Variants in SETD7 observed in about 807,000 individuals in gnomAD.
The protein encoded by SETD7 is histone-lysine N-methyltransferase SETD7.
SETD7 carries 16 observed loss-of-function variants against 41.8 expected under a neutral mutation model. The observed-to-expected ratio is 0.38, with a 90% CI of 0.26 to 0.58. SETD7 has a LOEUF of 0.58. SETD7 is among the 20% of genes least tolerant of loss of function. SETD7 has a pLI of 0.64. For missense variants in SETD7, 346 were observed against 459.7 expected, an observed-to-expected ratio of 0.75 and a Z score of 2.26; for synonymous variants, 163 against 169.7, an observed-to-expected ratio of 0.96 and a Z score of 0.31.
At chr4:139,533,485 G>A (rs945575547) in intron 2 of SETD7, 119 bp from the exon 3 acceptor site, 45 of 803,298 alleles carry the variant, frequency 5.6e-5, no homozygotes, top group Non-Finnish European at 8.2e-5. Context: ...TGGATTCAGC[G>A]CAGCCTCCTA....
downstream of SETD7, among the ~76,000 whole-genome samples, chr4:139,502,869 T>C (rs1400473336): frequency 2.6e-5 from 4 of 151,986 alleles, no homozygotes; most frequent in Non-Finnish European, 5.9e-5. Flanking sequence ...GGATAGAAAT[T>C]GGCTGAGAAT....
intron 1 of SETD7, 81 bp from the exon 2 acceptor site, chr4:139,547,130 A>C: frequency 6.5e-7 from 1 of 1,547,158 alleles, no homozygotes; most frequent in Non-Finnish European, 8.8e-7. Flanking sequence ...AGATGCTGCC[A>C]GACAAGTCCC....
rs754667438 is a variant in SETD7, at chr4:139,547,032, C to T, written c.58G>A (p.Gly20Arg). 18 of 1,613,856 alleles carry T rather than the reference C, an allele frequency of 1.1e-5. No individual in the cohort carries two copies. The highest frequency in any genetic ancestry group is 1.5e-5 in the Non-Finnish European group (18 of 1,179,982). The change falls in exon 2 of 8, where the codon GGA (glycine) becomes AGA (arginine). Residue 20 changes from glycine to arginine, a missense_variant. Around this residue, in one of 3 missense-constraint regions of SETD7, gnomAD observed 266 missense variants for 377.0 expected, o/e 0.71. Coordinates refer to ENST00000274031, the MANE Select transcript of SETD7 (RefSeq NM_030648.4). ...EAVEGHLDDD[G>R]LPHGFCTVTY... ...ACTGTGCAGAACCCGTGCGGTAATC[C>T]GTCATCGTCCAGGTGCCCTGGAGAA...
intron 2 of SETD7, among the ~76,000 whole-genome samples, chr4:139,536,571 G>T (rs1727642450): frequency 6.6e-6 from 1 of 151,028 alleles, no homozygotes; most frequent in South Asian, 2.1e-4. Flanking sequence ...AATTAGCCAG[G>T]GGTGGTAGCA....
chr4:139,543,172 A>G (rs1053045994), intron 2 of SETD7, among the ~76,000 whole-genome samples: 8 of 152,250 alleles, frequency 5.3e-5, no homozygotes, highest in African/African-American at 1.9e-4. Context: ...CCAAAGGTTG[A>G]TGACTGACAA....
In SETD7 at chr4:139,555,108, T is replaced by C. The variant is rs1435992710; in HGVS notation, c.40+990A>G. Among the ~76,000 whole-genome samples the C allele has an allele frequency of 1.3e-5, 2 of 150,922 alleles. No individual in the cohort carries two copies. The highest frequency in any genetic ancestry group is 4.9e-5 in the African/African-American group (2 of 40,862). ...AAAGAGTATTTTCCAGTATTCGCTG[T>C]TACAAAATCATAACATCCTATGATA... On this transcript the variant is annotated intron_variant, in intron 1 of 7. Transcript: ENST00000274031. The surrounding 1 kb of genome is among the most constrained non-coding windows in gnomAD (Gnocchi z 4.0).
rs1266387628 is a variant in SETD7 at position 139,533,211 on chromosome 4, T to C, written c.326A>G (p.Gln109Arg). Residue 109 changes from glutamine to arginine, a missense_variant, in exon 3 of 8, where the codon CAG becomes CGG. Coordinates refer to ENST00000274031, the MANE Select transcript of SETD7 (RefSeq NM_030648.4). ...DTDGRLIFKGQYKDNIRHGVC... is the reference protein window; with the variant it reads ...DTDGRLIFKGRYKDNIRHGVC... ...TCCATGACGAATGTTATCTTTATAC[T>C]GCCCCTTGAAGATCAGTCTCCCATC... The C allele has an allele frequency of 6.2e-7, 1 of 1,614,106 alleles. No individual in the cohort carries two copies. Among genetic ancestry groups the C allele is most frequent in the African/African-American group, 1.3e-5 (1 of 74,928 alleles).
chr4:139,546,850 C>T (rs766594229), intron 2 of SETD7, 70 bp downstream of exon 2: 6 of 1,594,396 alleles, frequency 3.8e-6, no homozygotes, highest in Admixed American at 1.7e-5. Flanking sequence ...TGAATTCTTT[C>T]GTTTGTATTA....
chr4:139,535,372 G>A (rs1727609809), intron 2 of SETD7, among the ~76,000 whole-genome samples: 1 of 152,180 alleles, frequency 6.6e-6, no homozygotes, highest in Non-Finnish European at 1.5e-5. Context: ...TTAACTGGGT[G>A]TCCTGGATTT....
intron 2 of SETD7, chr4:139,546,350 AT>A: frequency 4.8e-6 from 1 of 209,700 alleles, no homozygotes. Context: ...TTTGCCAAGC[AT>A]TTTTTCATCA....
rs555564736 is a variant in SETD7, at chr4:139,506,916, G to A, written c.*4747C>T. The A allele has an allele frequency of 2.4e-4, 37 of 152,768 alleles. No individual in the cohort carries two copies. Among genetic ancestry groups the A allele is most frequent in the African/African-American group, 8.9e-4 (37 of 41,566 alleles). The allele number at this position is 152,768 out of a possible 1,614,324, so 9.5% of individuals were successfully genotyped here. ...GTCTCTCTCTCTGGTTGGAAGTTTG[G>A]TGCTTGGGTGCATAGTCTTCCAGAG... On this transcript the variant is annotated 3_prime_UTR_variant, in exon 8 of 8. Coordinates refer to ENST00000274031, the MANE Select transcript of SETD7 (RefSeq NM_030648.4).
intron 4 of SETD7, among the ~76,000 whole-genome samples, chr4:139,523,995 A>G (rs1472820069): frequency 6.6e-6 from 1 of 152,212 alleles, no homozygotes. Flanking sequence ...AAGGCACACA[A>G]CCACCCTAGA....
intron 2 of SETD7, among the ~76,000 whole-genome samples, chr4:139,543,694 C>G (rs1007276305): frequency 6.6e-6 from 1 of 151,498 alleles, no homozygotes. Context: ...GGCTCACACC[C>G]GTAATCCCAG....
Position 139,511,593 on chromosome 4 carries a change from A to G in SETD7, c.*70T>C, listed in dbSNP as rs1341190494. 1 of 1,601,900 alleles carries G rather than the reference A, an allele frequency of 6.2e-7. No homozygotes were observed. The highest frequency in any genetic ancestry group is 8.5e-7 in the Non-Finnish European group (1 of 1,177,418). Reference sequence around the variant, plus strand: ...AGCATGAGCAGTCCCTGGTTGTCCCATTGTCAGATAAACGTAGTGCATAGA... The same window carrying G: ...AGCATGAGCAGTCCCTGGTTGTCCCGTTGTCAGATAAACGTAGTGCATAGA... On this transcript the variant is annotated 3_prime_UTR_variant, in exon 8 of 8. Coordinates refer to ENST00000274031, the MANE Select transcript of SETD7 (RefSeq NM_030648.4).
intron 2 of SETD7, 129 bp downstream of exon 2, chr4:139,546,791 G>A (rs760768747): frequency 4.7e-6 from 6 of 1,281,408 alleles, no homozygotes; most frequent in Non-Finnish European, 6.7e-6. Context: ...AGTGCCTACA[G>A]GTAGGGGTTA....
At chr4:139,521,878 A>T (rs902195639) in intron 5 of SETD7, among the ~76,000 whole-genome samples, 5 of 152,254 alleles carry the variant, frequency 3.3e-5, no homozygotes, top group Non-Finnish European at 5.9e-5. Flanking sequence ...CATGTGAAAC[A>T]GACTTGAACC....
intron 3 of SETD7, among the ~76,000 whole-genome samples, chr4:139,532,336 G>A (rs56258626): frequency 0.29 from 44,596 of 152,076 alleles, 6,641 homozygotes; most frequent in East Asian, 0.4. Flanking sequence ...CTACTAAGGA[G>A]GCTGAGGTGG....
chr4:139,547,916 G>C (rs1483127187), intron 1 of SETD7: 1 of 152,160 alleles, frequency 6.6e-6, no homozygotes, highest in African/African-American at 2.4e-5. Flanking sequence ...TAAGTCACTG[G>C]TTATTCCTAG....
chr4:139,493,729 G>C (rs576565812), downstream of SETD7, among the ~76,000 whole-genome samples: 1 of 152,066 alleles, frequency 6.6e-6, no homozygotes, highest in South Asian at 2.1e-4. Flanking sequence ...TTGTAGAGAT[G>C]GGGTTTTGCT....
Sources: gnomAD v4.1 joint callset for allele counts (sites outside exome capture counted in the v4.1 genomes callset) on GRCh38, gnomAD v4.1.1 for gene constraint, gnomAD v4.1.1 regional missense constraint, Gnocchi (gnomAD v3.1) non-coding constraint, MANE v1.5 for transcripts, NCBI Gene and HGNC (gene_info 2026-07-23, HGNC 2026-07-21) for gene names.